The following CDH13 variants were observed in gnomAD, a reference collection of about 807,000 sequenced individuals.
The protein encoded by CDH13 is cadherin-13.
CDH13 carries 24 observed loss-of-function variants against 63.8 expected under a neutral mutation model. That is an observed-to-expected ratio of 0.38 (90% CI 0.27 to 0.53). The LOEUF (loss-of-function observed/expected upper bound fraction) is 0.53, where lower values mean the gene tolerates loss of function less well. CDH13 is among the 20% of genes least tolerant of loss of function. The pLI, the probability that CDH13 is intolerant of heterozygous loss-of-function variation, is 0.85. For synonymous variants in CDH13, 503 were observed against 355.3 expected, an observed-to-expected ratio of 1.42 and a Z score of -4.67; for missense variants, 1,049 against 903.1, an observed-to-expected ratio of 1.16 and a Z score of -2.07.
chr16:83,155,134 C>A (rs915388086), intron 4 of CDH13, among the ~76,000 whole-genome samples: 6 of 152,182 alleles, frequency 3.9e-5, no homozygotes, highest in Non-Finnish European at 7.3e-5. Flanking sequence ...TTTCAAGAAG[C>A]AATCTTTGAA....
At chr16:83,689,374 G>C (rs546649225) in intron 10 of CDH13, among the ~76,000 whole-genome samples, 1 of 151,952 alleles carries the variant, frequency 6.6e-6, no homozygotes, top group Non-Finnish European at 1.5e-5. Context: ...ACACATTTCA[G>C]GATTGCAACA....
intron 5 of CDH13, among the ~76,000 whole-genome samples, chr16:83,235,482 G>T (rs1304770121): frequency 6.6e-6 from 1 of 152,082 alleles, no homozygotes; most frequent in Non-Finnish European, 1.5e-5. Context: ...GCTCTGCCTA[G>T]CCGGGCCCCA....
At chr16:83,629,695 CCACTT>C (rs1910613660) in intron 8 of CDH13, among the ~76,000 whole-genome samples, 2 of 152,320 alleles carry the variant, frequency 1.3e-5, no homozygotes, top group African/African-American at 4.8e-5. Flanking sequence ...AGTCTACTCT[CCACTT>C]CATTCACTTT....
chr16:83,136,043 G>C (rs1051535230), intron 4 of CDH13, among the ~76,000 whole-genome samples: 1 of 151,884 alleles, frequency 6.6e-6, no homozygotes, highest in Non-Finnish European at 1.5e-5. Flanking sequence ...GAGGGGAGAG[G>C]GATAAAAGAC....
intron 8 of CDH13, among the ~76,000 whole-genome samples, chr16:83,624,897 A>G (rs1228157606): frequency 6.6e-6 from 1 of 152,200 alleles, no homozygotes; most frequent in Non-Finnish European, 1.5e-5. Flanking sequence ...GAGCCTGGCC[A>G]TGATTTGCAT....
intron 1 of CDH13, among the ~76,000 whole-genome samples, chr16:82,738,000 T>G (rs2151048174): frequency 6.6e-6 from 1 of 152,292 alleles, no homozygotes; most frequent in East Asian, 1.9e-4. Context: ...ATCTACCCTC[T>G]TAATAAAATG....
intron 5 of CDH13, among the ~76,000 whole-genome samples, chr16:83,241,352 AG>A (rs1417886056): frequency 3.4e-4 from 52 of 152,210 alleles, no homozygotes; most frequent in Non-Finnish European, 3.7e-4. Flanking sequence ...TGTAGCCAGG[AG>A]TGAGATTGCT....
intron 11 of CDH13, among the ~76,000 whole-genome samples, chr16:83,777,545 CA>C (rs1417268708): frequency 2.0e-5 from 3 of 152,254 alleles, no homozygotes; most frequent in African/African-American, 7.2e-5. Context: ...TGCTGAGAAG[CA>C]GCTTGGAGTT....
chr16:82,984,908 T>C (rs1442997194), intron 2 of CDH13, among the ~76,000 whole-genome samples: 1 of 152,164 alleles, frequency 6.6e-6, no homozygotes, highest in Non-Finnish European at 1.5e-5. Context: ...GGACTTACAG[T>C]GAATTGTCAC....
intron 7 of CDH13, among the ~76,000 whole-genome samples, chr16:83,599,536 A>T (rs923180304): frequency 6.6e-6 from 1 of 152,214 alleles, no homozygotes; most frequent in Non-Finnish European, 1.5e-5. Flanking sequence ...AAGCAGCCAA[A>T]ATGTATATAA....
intron 10 of CDH13, among the ~76,000 whole-genome samples, chr16:83,698,196 G>A (rs1057228410): frequency 6.6e-6 from 1 of 152,252 alleles, no homozygotes; most frequent in Non-Finnish European, 1.5e-5. Flanking sequence ...GGACTGTAGT[G>A]TGTCCTGTTC....
intron 3 of CDH13, among the ~76,000 whole-genome samples, chr16:83,072,429 T>C (rs963911811): frequency 1.3e-5 from 2 of 152,204 alleles, no homozygotes; most frequent in Non-Finnish European, 2.9e-5. Flanking sequence ...AATTAGTTTT[T>C]CCTGGAGGAT....
intron 2 of CDH13, among the ~76,000 whole-genome samples, chr16:82,927,250 G>A (rs1216087742): frequency 1.3e-5 from 2 of 152,030 alleles, no homozygotes; most frequent in Non-Finnish European, 2.9e-5. Context: ...ATAGCAGTTG[G>A]GGCAGTCATA....
At chr16:83,307,667 G>C (rs190876666) in intron 5 of CDH13, among the ~76,000 whole-genome samples, 6 of 152,272 alleles carry the variant, frequency 3.9e-5, no homozygotes, top group Admixed American at 3.3e-4. Flanking sequence ...GCATGATTTA[G>C]CTATGTTAAT....
chr16:82,658,394 T>A (rs1337614625), intron 1 of CDH13, among the ~76,000 whole-genome samples: 1 of 152,160 alleles, frequency 6.6e-6, no homozygotes, highest in African/African-American at 2.4e-5. Context: ...TAACATCAAT[T>A]GATTCTTAAA....
intron 6 of CDH13, among the ~76,000 whole-genome samples, chr16:83,400,204 G>A (rs1364304): frequency 0.69 from 104,589 of 151,444 alleles, 36,256 homozygotes; most frequent in East Asian, 0.81. Context: ...TGATGGCCAC[G>A]AAAGGGATGA....
chr16:82,770,270 GCA>G (rs2035212359), intron 1 of CDH13, among the ~76,000 whole-genome samples: 1 of 152,194 alleles, frequency 6.6e-6, no homozygotes, highest in Admixed American at 6.5e-5. Context: ...GTGTTTTTGT[GCA>G]CATTGCACTG....
intron 1 of CDH13, among the ~76,000 whole-genome samples, chr16:82,657,775 C>T (rs962150924): frequency 1.3e-5 from 2 of 152,102 alleles, no homozygotes; most frequent in African/African-American, 4.8e-5. Context: ...TTACATTAAC[C>T]TCGTATCTTG....
intron 6 of CDH13, among the ~76,000 whole-genome samples, chr16:83,463,864 G>A (rs1272322022): frequency 6.6e-6 from 1 of 152,146 alleles, no homozygotes; most frequent in Non-Finnish European, 1.5e-5. Context: ...GGCCAGGTAA[G>A]TCACAGGGCC....
Sources: gnomAD v4.1 joint callset for allele counts (sites outside exome capture counted in the v4.1 genomes callset) on GRCh38, gnomAD v4.1.1 for gene constraint, MANE v1.5 for transcripts, NCBI Gene and HGNC (gene_info 2026-07-23, HGNC 2026-07-21) for gene names.